RALYL: variants seen among roughly 807,000 people sequenced by gnomAD.
The protein encoded by RALYL is RNA-binding Raly-like protein.
Under a neutral mutation model 35.1 loss-of-function variants are expected in RALYL, and 29 were observed. The observed-to-expected ratio is 0.83, with a 90% CI of 0.61 to 1.13. The LOEUF is 1.13. Ranked by LOEUF, RALYL falls within the 50% of genes most tolerant of loss-of-function variation. The pLI is 0.00. For synonymous variants in RALYL, 120 were observed against 127.6 expected (o/e 0.94, Z 0.40); for missense variants, 359 against 360.4 (o/e 1.00, Z 0.03).
chr8:84,380,851 C>T (rs1394798693), intron 1 of RALYL, among the ~76,000 whole-genome samples: 1 of 151,814 alleles, frequency 6.6e-6, no homozygotes, highest in African/African-American at 2.4e-5. Flanking sequence ...GCAGCATGAT[C>T]TATGCATTGA....
intron 4 of RALYL, among the ~76,000 whole-genome samples, chr8:84,809,523 T>C (rs1825429493): frequency 1.3e-5 from 2 of 152,160 alleles, no homozygotes; most frequent in South Asian, 4.1e-4. Context: ...GGTTTCTTCT[T>C]TCTCTATCTT....
At chr8:84,480,986 T>C (rs756277926) in intron 1 of RALYL, among the ~76,000 whole-genome samples, 4 of 152,158 alleles carry the variant, frequency 2.6e-5, no homozygotes, top group African/African-American at 7.2e-5. Context: ...ATGTTTAGTA[T>C]TATCTGGGCT....
chr8:84,920,824 T>A (rs777879822), intron 8 of RALYL, 70 bp from the exon 9 acceptor site: 35 of 556,924 alleles, frequency 6.3e-5, no homozygotes, highest in Non-Finnish European at 9.3e-5. Context: ...AACTTACATA[T>A]CAGTATACGC....
intron 1 of RALYL, among the ~76,000 whole-genome samples, chr8:84,313,256 C>A (rs1242644996): frequency 6.6e-6 from 1 of 152,196 alleles, no homozygotes; most frequent in East Asian, 1.9e-4. Flanking sequence ...ATTTTTTCCT[C>A]CTAGGCCTCT....
chr8:84,327,631 G>A (rs1177915764), intron 1 of RALYL, among the ~76,000 whole-genome samples: 4 of 151,928 alleles, frequency 2.6e-5, no homozygotes, highest in Admixed American at 1.3e-4. Flanking sequence ...TTGTGACGGA[G>A]GTGGTATGAC....
chr8:84,344,169 C>A (rs369378197), intron 1 of RALYL, among the ~76,000 whole-genome samples: 32 of 151,914 alleles, frequency 2.1e-4, no homozygotes, highest in African/African-American at 7.2e-4. Flanking sequence ...ACAATTGCAA[C>A]CCATGATTTC....
intron 1 of RALYL, among the ~76,000 whole-genome samples, chr8:84,202,857 A>T (rs1196924359): frequency 6.6e-6 from 1 of 152,256 alleles, no homozygotes; most frequent in Admixed American, 6.5e-5. Context: ...TACTATAATG[A>T]TTTCTTAATA....
At chr8:84,319,491 TA>T (rs896561877) in intron 1 of RALYL, among the ~76,000 whole-genome samples, 41 of 152,214 alleles carry the variant, frequency 2.7e-4, no homozygotes, top group Admixed American at 7.9e-4. Flanking sequence ...AAAAGAAGAC[TA>T]GTTGTTCTTT....
intron 1 of RALYL, among the ~76,000 whole-genome samples, chr8:84,197,515 C>T (rs2130951222): frequency 6.6e-6 from 1 of 152,254 alleles, no homozygotes; most frequent in African/African-American, 2.4e-5. Context: ...CCAAAACAAC[C>T]AACACTTATT....
intron 1 of RALYL, among the ~76,000 whole-genome samples, chr8:84,233,158 G>GT (rs371942446): frequency 2.8e-4 from 42 of 151,734 alleles, no homozygotes; most frequent in Non-Finnish European, 5.0e-4. Flanking sequence ...AATTTTTATT[G>GT]TTTTTTTGTA....
intron 1 of RALYL, among the ~76,000 whole-genome samples, chr8:84,481,385 A>G (rs1262428275): frequency 6.6e-6 from 1 of 152,156 alleles, no homozygotes; most frequent in Non-Finnish European, 1.5e-5. Context: ...GCTGGAGTGC[A>G]ATGGCACCAT....
At chr8:84,486,912 A>G (rs147581013) in intron 1 of RALYL, among the ~76,000 whole-genome samples, 2 of 152,052 alleles carry the variant, frequency 1.3e-5, no homozygotes, top group Non-Finnish European at 2.9e-5. Flanking sequence ...TGTACAGTAG[A>G]TCTCTAGAAT....
intron 2 of RALYL, among the ~76,000 whole-genome samples, chr8:84,595,878 G>A (rs907795866): frequency 6.6e-6 from 1 of 151,572 alleles, no homozygotes; most frequent in African/African-American, 2.4e-5. Flanking sequence ...ACGCTCATGG[G>A]AACAGCAGGC....
At chr8:84,281,560 ATCT>A (rs776356076) in intron 1 of RALYL, among the ~76,000 whole-genome samples, 2 of 152,150 alleles carry the variant, frequency 1.3e-5, no homozygotes, top group African/African-American at 2.4e-5. Flanking sequence ...TTCCAGAATT[ATCT>A]TCTTCTAATT....
At chr8:84,300,301 T>C (rs1174308672) in intron 1 of RALYL, among the ~76,000 whole-genome samples, 1 of 151,814 alleles carries the variant, frequency 6.6e-6, no homozygotes, top group African/African-American at 2.4e-5. Flanking sequence ...AGTCTGAGAG[T>C]GTGATTGGTA....
At chr8:84,382,158 A>G (rs1858116433) in intron 1 of RALYL, among the ~76,000 whole-genome samples, 1 of 151,264 alleles carries the variant, frequency 6.6e-6, no homozygotes, top group Non-Finnish European at 1.5e-5. Flanking sequence ...AAATGAACAC[A>G]TGCTAGTTAA....
At chr8:84,237,526 T>A (rs546729539) in intron 1 of RALYL, among the ~76,000 whole-genome samples, 94 of 152,184 alleles carry the variant, frequency 6.2e-4, no homozygotes, top group African/African-American at 2.1e-3. Context: ...CTGGAAATAA[T>A]TTTTTTAAAT....
At chr8:84,656,021 G>T (rs188213717) in intron 2 of RALYL, among the ~76,000 whole-genome samples, 1 of 152,084 alleles carries the variant, frequency 6.6e-6, no homozygotes, top group Non-Finnish European at 1.5e-5. Context: ...CTACCTACTC[G>T]AAATGAATTT....
At chr8:84,203,376 T>A (rs1164907178) in intron 1 of RALYL, among the ~76,000 whole-genome samples, 5 of 152,058 alleles carry the variant, frequency 3.3e-5, no homozygotes, top group Admixed American at 2.6e-4. Context: ...TTTTCTAAAC[T>A]AATCTTAATG....
Sources: gnomAD v4.1 joint callset for allele counts (sites outside exome capture counted in the v4.1 genomes callset) on GRCh38, gnomAD v4.1.1 for gene constraint, MANE v1.5 for transcripts, NCBI Gene and HGNC (gene_info 2026-07-23, HGNC 2026-07-21) for gene names.